Variants in NYAP2 observed in about 807,000 individuals in gnomAD.
The protein encoded by NYAP2 is neuronal tyrosine-phosphorylated phosphoinositide-3-kinase adaptor 2, also known as neuronal tyrosine-phosphorylated phosphoinositide-3-kinase adapter 2.
NYAP2 carries 23 observed loss-of-function variants against 50.4 expected under a neutral mutation model. The observed-to-expected ratio is 0.46, with a 90% CI of 0.33 to 0.65. The LOEUF is 0.65. Among genes scored for constraint, NYAP2 ranks in the 30% least tolerant of loss-of-function variants. NYAP2 has a pLI of 0.02. For synonymous variants in NYAP2, 394 were observed against 365.2 expected, an observed-to-expected ratio of 1.08 and a Z score of -0.90; for missense variants, 885 against 861.0, an observed-to-expected ratio of 1.03 and a Z score of -0.35.
chr2:225,562,126 T>C (rs184049933), intron 4 of NYAP2, among the ~76,000 whole-genome samples: 87 of 152,256 alleles, frequency 5.7e-4, no homozygotes, highest in African/African-American at 2.0e-3. Context: ...CAGTTGTGAG[T>C]CTCACTTGCT....
chr2:225,525,966 GAGC>G (rs1337214649), intron 4 of NYAP2, among the ~76,000 whole-genome samples: 7 of 152,168 alleles, frequency 4.6e-5, no homozygotes, highest in Non-Finnish European at 1.0e-4. Context: ...TGAGAGTTGA[GAGC>G]AGCACCATGG....
chr2:225,620,459 ACGCGCATGCACACGCACACG>A (rs2106253336), intron 5 of NYAP2, among the ~76,000 whole-genome samples: 1 of 147,908 alleles, frequency 6.8e-6, no homozygotes, highest in East Asian at 2.0e-4. Context: ...GCACGCACAC[ACGCGCATGCACACGCACACG>A]CACGCACGCA....
Position 225,582,624 on chromosome 2 carries a change from C to A in NYAP2, c.1207C>A (p.Pro403Thr). The A allele has an allele frequency of 6.3e-7, 1 of 1,594,984 alleles. No homozygotes were observed. Among genetic ancestry groups the A allele is most frequent in the Non-Finnish European group, 8.5e-7 (1 of 1,171,554 alleles). The change falls in exon 5 of 7, where the codon CCT (proline) becomes ACT (threonine). Residue 403 changes from proline to threonine, a missense_variant. Transcript: ENST00000636099. The surrounding 1 kb of genome is among the most constrained non-coding windows in gnomAD (Gnocchi z 7.0). Reference sequence around the variant, plus strand: ...GAAAGAGCAGGCCGCGGCCCTGGGACCTGCCTCTGCCACCCCTGCGCTCTC... The same window carrying A: ...GAAAGAGCAGGCCGCGGCCCTGGGAACTGCCTCTGCCACCCCTGCGCTCTC...
chr2:225,434,983 C>T lies in NYAP2; in HGVS notation c.221+25882C>T, dbSNP rs781432686. 1.1e-3 allele frequency among the ~76,000 whole-genome samples: 175 copies of T among 152,298 alleles called. 1 individual carries two copies. The highest frequency in any genetic ancestry group is 6.8e-3 in the Middle Eastern group (2 of 294). The stretch of plus-strand genomic sequence containing the variant: ...TTCTTGAAAGCTATTGTGCAACTAG[C>T]TGAGTGTGTTTTCCTAGCCAAGCCT... On this transcript the variant is annotated intron_variant, in intron 3 of 6. Coordinates refer to ENST00000636099, the Ensembl canonical transcript of NYAP2.
chr2:225,472,092 A>G (rs1304029420), intron 3 of NYAP2, among the ~76,000 whole-genome samples: 2 of 152,210 alleles, frequency 1.3e-5, no homozygotes, highest in African/African-American at 4.8e-5. Flanking sequence ...TAAGATTTTA[A>G]GTGACTTGCT....
intron 6 of NYAP2, among the ~76,000 whole-genome samples, chr2:225,639,661 T>C (rs1227304636): frequency 6.6e-6 from 1 of 152,212 alleles, no homozygotes; most frequent in East Asian, 1.9e-4. Context: ...GTTTATTCAT[T>C]TATTCACATT....
intron 4 of NYAP2, among the ~76,000 whole-genome samples, chr2:225,545,176 G>A (rs532929894): frequency 6.6e-6 from 1 of 152,154 alleles, no homozygotes; most frequent in African/African-American, 2.4e-5. Context: ...TTTTCTTTGG[G>A]TTAAATCTGC....
intron 3 of NYAP2, among the ~76,000 whole-genome samples, chr2:225,451,914 C>A (rs990283535): frequency 5.3e-5 from 8 of 152,190 alleles, no homozygotes; most frequent in Non-Finnish European, 1.2e-4. Flanking sequence ...TAGTGACAAC[C>A]TCCCAATTTC....
chr2:225,499,502 G>A (rs891160288), intron 3 of NYAP2, among the ~76,000 whole-genome samples: 1 of 151,678 alleles, frequency 6.6e-6, no homozygotes, highest in African/African-American at 2.4e-5. Context: ...ATTTTTAGTA[G>A]AGACGGGGTT....
chr2:225,585,887 A>T (rs998934916), intron 5 of NYAP2, among the ~76,000 whole-genome samples: 4 of 152,156 alleles, frequency 2.6e-5, no homozygotes, highest in Non-Finnish European at 5.9e-5. Context: ...CATGGATACA[A>T]TTCTCCCCTT....
chr2:225,519,497 C>G (rs1464161895), intron 4 of NYAP2, among the ~76,000 whole-genome samples: 7 of 147,712 alleles, frequency 4.7e-5, no homozygotes, highest in Admixed American at 1.4e-4. Context: ...GTTCAGTTCC[C>G]ACCTATGAGT....
chr2:225,667,259 TAAAG>T, the NYAP2 span, among the ~76,000 whole-genome samples: 2 of 152,212 alleles, frequency 1.3e-5, no homozygotes. Flanking sequence ...TTCAGCCTGA[TAAAG>T]AAGCCAAATA....
chr2:225,538,928 G>A (rs1691407220), intron 4 of NYAP2, among the ~76,000 whole-genome samples: 1 of 151,230 alleles, frequency 6.6e-6, no homozygotes, highest in African/African-American at 2.4e-5. Flanking sequence ...CACGTGCCAT[G>A]GTGACTTGCT....
chr2:225,579,913 T>C (rs1254549404), intron 4 of NYAP2, among the ~76,000 whole-genome samples: 5 of 152,216 alleles, frequency 3.3e-5, no homozygotes, highest in Non-Finnish European at 7.3e-5. Flanking sequence ...TAATTCTAAA[T>C]ATGATTATTT....
exon 4 of NYAP2, chr2:225,513,464 A>G (rs1690869997): frequency 1.9e-6 from 3 of 1,613,962 alleles, no homozygotes; most frequent in East Asian, 2.2e-5. Context: ...CTCAGGACAG[A>G]CTTCCCCATC....
intron 3 of NYAP2, among the ~76,000 whole-genome samples, chr2:225,416,943 T>C (rs1280858926): frequency 1.3e-5 from 2 of 152,180 alleles, no homozygotes; most frequent in Non-Finnish European, 2.9e-5. Context: ...AATTGAATGA[T>C]TAAACAGAAG....
chr2:225,622,421 G>A (rs1252718419), intron 5 of NYAP2, among the ~76,000 whole-genome samples: 1 of 152,044 alleles, frequency 6.6e-6, no homozygotes, highest in African/African-American at 2.4e-5. Context: ...AGCTAGAGAT[G>A]CAAATTATTT....
chr2:225,525,691 G>T (rs1691138425), intron 4 of NYAP2, among the ~76,000 whole-genome samples: 1 of 152,142 alleles, frequency 6.6e-6, no homozygotes, highest in Non-Finnish European at 1.5e-5. Flanking sequence ...CTATTTGAAT[G>T]ATGGGTACAA....
chr2:225,529,997 G>A (rs1209407978), intron 4 of NYAP2, among the ~76,000 whole-genome samples: 7 of 152,310 alleles, frequency 4.6e-5, no homozygotes, highest in Non-Finnish European at 2.9e-5. Context: ...GTGAGCCACC[G>A]TGCCTGGCCT....
Sources: gnomAD v4.1 joint callset for allele counts (sites outside exome capture counted in the v4.1 genomes callset) on GRCh38, gnomAD v4.1.1 for gene constraint, Gnocchi (gnomAD v3.1) non-coding constraint, MANE v1.5 for transcripts, NCBI Gene and HGNC (gene_info 2026-07-23, HGNC 2026-07-21) for gene names.